Variants in CCDC138 observed in about 807,000 individuals in gnomAD.
CCDC138 encodes the protein coiled-coil domain containing 138.
In CCDC138, 66 loss-of-function variants were observed where a neutral mutation model predicts 82.3. That is an observed-to-expected ratio of 0.80 (90% CI 0.66 to 0.98). CCDC138 has a LOEUF of 0.98. CCDC138 is among the 50% of genes least tolerant of loss of function. The pLI is 0.00. For missense variants in CCDC138, 816 were observed against 758.9 expected, an observed-to-expected ratio of 1.08 and a Z score of -0.88; for synonymous variants, 297 against 265.4, an observed-to-expected ratio of 1.12 and a Z score of -1.16.
intron 6 of CCDC138, among the ~76,000 whole-genome samples, chr2:108,803,517 C>T (rs1682337870): frequency 6.6e-6 from 1 of 152,198 alleles, no homozygotes; most frequent in African/African-American, 2.4e-5. Flanking sequence ...GCACAGACGT[C>T]ATCATAGCTC....
chr2:108,841,663 A>G (rs932026994), intron 11 of CCDC138, among the ~76,000 whole-genome samples: 6 of 152,148 alleles, frequency 3.9e-5, no homozygotes, highest in South Asian at 2.1e-4. Context: ...AATAGCATAC[A>G]GCTGCATTTA....
chr2:108,817,610 C>G (rs746652443), intron 10 of CCDC138, among the ~76,000 whole-genome samples: 1 of 152,118 alleles, frequency 6.6e-6, no homozygotes, highest in Non-Finnish European at 1.5e-5. Context: ...CTTCTGGAAG[C>G]TGGGAATTGC....
At chr2:108,839,115 T>C (rs1689042339) in intron 10 of CCDC138, 70 bp from the exon 11 acceptor site, 3 of 1,435,524 alleles carry the variant, frequency 2.1e-6, no homozygotes, top group Non-Finnish European at 2.8e-6. Flanking sequence ...TTTGGAAAAT[T>C]GTGGTAATTG....
intron 11 of CCDC138, among the ~76,000 whole-genome samples, chr2:108,845,480 T>C (rs1690282734): frequency 6.6e-6 from 1 of 152,090 alleles, no homozygotes; most frequent in Admixed American, 6.6e-5. Context: ...GATTGGAGAA[T>C]TGGGTCATAA....
intron 10 of CCDC138, among the ~76,000 whole-genome samples, chr2:108,833,525 GGT>G (rs1688036879): frequency 6.6e-6 from 1 of 152,170 alleles, no homozygotes; most frequent in Non-Finnish European, 1.5e-5. Flanking sequence ...AGTGAAGTCT[GGT>G]GTTTCTTAAG....
At chr2:108,787,172 A>G (rs938151142) in intron 1 of CCDC138, among the ~76,000 whole-genome samples, 1 of 152,156 alleles carries the variant, frequency 6.6e-6, no homozygotes, top group African/African-American at 2.4e-5. Context: ...AGAAAGTGCT[A>G]TTCAGCTTTT....
Position 108,791,692 on chromosome 2 carries a change from A to T in CCDC138, c.284A>T (p.Asp95Val). The stretch of plus-strand genomic sequence containing the variant: ...TTTTAAAGCCTAGATGATGAACTGG[A>T]TTCTTTCCATGATTTGAAGAAACAG... ...VNVNCLDDEL[D>V]SFHDLKKQET... is the part of the protein sequence containing the mutation. Residue 95 changes from aspartate to valine, a missense_variant, in exon 4 of 15, where the codon GAT becomes GTT. Coordinates refer to ENST00000295124, the MANE Select transcript of CCDC138 (RefSeq NM_144978.3). 6.2e-7 allele frequency: 1 copy of T among 1,607,574 alleles called. No individual in the cohort carries two copies. Among genetic ancestry groups the T allele is most frequent in the African/African-American group, 1.3e-5 (1 of 74,834 alleles).
At chr2:108,836,041 T>C (rs144664573) in intron 10 of CCDC138, among the ~76,000 whole-genome samples, 13 of 152,326 alleles carry the variant, frequency 8.5e-5, no homozygotes, top group African/African-American at 3.1e-4. Flanking sequence ...AGAGCTCTCC[T>C]GACGTAAACA....
chr2:108,856,499 G>A (rs764826241), intron 12 of CCDC138, among the ~76,000 whole-genome samples: 3 of 152,220 alleles, frequency 2.0e-5, no homozygotes, highest in African/African-American at 7.2e-5. Context: ...ATAAACATTC[G>A]TGATACTAAT....
intron 12 of CCDC138, among the ~76,000 whole-genome samples, chr2:108,854,387 G>GTCTTTT (rs780204219): frequency 3.5e-4 from 52 of 150,236 alleles, no homozygotes; most frequent in Non-Finnish European, 7.0e-4. Flanking sequence ...TATTTGGAAG[G>GTCTTTT]TCTTTTTTGT....
At chr2:108,817,553 A>T (rs757887722) in intron 10 of CCDC138, among the ~76,000 whole-genome samples, 1 of 152,148 alleles carries the variant, frequency 6.6e-6, no homozygotes, top group East Asian at 1.9e-4. Flanking sequence ...GGCCTCCCAA[A>T]GTGCTGGGAT....
intron 11 of CCDC138, among the ~76,000 whole-genome samples, chr2:108,846,003 C>T (rs1370101583): frequency 1.3e-5 from 2 of 152,018 alleles, no homozygotes; most frequent in Non-Finnish European, 2.9e-5. Context: ...ATGATTCTAA[C>T]CCAGTATTTT....
intron 7 of CCDC138, among the ~76,000 whole-genome samples, 157 bp downstream of exon 7, chr2:108,805,165 G>A (rs4536612): frequency 0.8 from 121,855 of 152,078 alleles, 49,094 homozygotes; most frequent in East Asian, 0.95. Flanking sequence ...TGTAAATAAA[G>A]TATTCTTTAG....
chr2:108,808,134 T>TAACA (rs1489794411), intron 7 of CCDC138, among the ~76,000 whole-genome samples: 3 of 152,224 alleles, frequency 2.0e-5, no homozygotes, highest in African/African-American at 7.2e-5. Context: ...TTCATCCATG[T>TAACA]TGCTGCAAAT....
intron 11 of CCDC138, among the ~76,000 whole-genome samples, chr2:108,840,239 C>G (rs1357496602): frequency 6.6e-6 from 1 of 151,950 alleles, no homozygotes; most frequent in Admixed American, 6.6e-5. Context: ...TTAACAAATT[C>G]TATTTGCTAA....
At chr2:108,817,745 C>T (rs1685039348) in intron 10 of CCDC138, among the ~76,000 whole-genome samples, 1 of 152,154 alleles carries the variant, frequency 6.6e-6, no homozygotes, top group South Asian at 2.1e-4. Context: ...AGGAACACAG[C>T]TCTGTATATA....
chr2:108,795,261 T>C (rs1680684235), intron 5 of CCDC138, among the ~76,000 whole-genome samples: 1 of 149,674 alleles, frequency 6.7e-6, no homozygotes, highest in African/African-American at 2.4e-5. Context: ...TTCCAGTGAT[T>C]CTCCTGCCTC....
At chr2:108,875,948 C>A in intron 14 of CCDC138, 140 bp from the exon 15 acceptor site, 1 of 577,518 alleles carries the variant, frequency 1.7e-6, no homozygotes, top group Non-Finnish European at 3.0e-6. Flanking sequence ...GCATTCTAAT[C>A]TTTTAGTTGC....
chr2:108,852,402 A>G (rs1225413197), intron 12 of CCDC138, among the ~76,000 whole-genome samples: 1 of 152,212 alleles, frequency 6.6e-6, no homozygotes, highest in Non-Finnish European at 1.5e-5. Context: ...ATTACTGGGT[A>G]TATACCCAAA....
Sources: gnomAD v4.1 joint callset for allele counts (sites outside exome capture counted in the v4.1 genomes callset) on GRCh38, gnomAD v4.1.1 for gene constraint, MANE v1.5 for transcripts, NCBI Gene and HGNC (gene_info 2026-07-23, HGNC 2026-07-21) for gene names.